The following VKORC1L1 variants were observed in gnomAD, a reference collection of about 807,000 sequenced individuals.
VKORC1L1 encodes vitamin K epoxide reductase complex subunit 1-like protein 1.
Under a neutral mutation model 18.9 loss-of-function variants are expected in VKORC1L1, and 2 were observed. The observed-to-expected ratio is 0.11, with a 90% CI of 0.04 to 0.33. The LOEUF is 0.33. Ranked by LOEUF, VKORC1L1 falls within the 10% of genes least tolerant of loss-of-function variation. VKORC1L1 has a pLI of 1.00. For missense variants in VKORC1L1, 123 were observed against 224.1 expected (o/e 0.55, Z 2.88); for synonymous variants, 96 against 100.0 (o/e 0.96, Z 0.24).
intron 1 of VKORC1L1, among the ~76,000 whole-genome samples, chr7:65,906,052 G>A (rs979987574): frequency 5.9e-5 from 9 of 151,564 alleles, no homozygotes; most frequent in African/African-American, 2.2e-4. Context: ...AGCTTCATTG[G>A]TTCTAGAATG....
chr7:65,871,939 C>T (rs1178506591), upstream of VKORC1L1, among the ~76,000 whole-genome samples: 3 of 152,164 alleles, frequency 2.0e-5, no homozygotes, highest in Admixed American at 2.0e-4. Context: ...CAATAGATAA[C>T]GAATACAAGG....
At chr7:65,909,434 A>T (rs1014560768) in intron 1 of VKORC1L1, among the ~76,000 whole-genome samples, 1 of 152,100 alleles carries the variant, frequency 6.6e-6, no homozygotes, top group African/African-American at 2.4e-5. Flanking sequence ...CAGGATATGG[A>T]CTTCCAATTG....
chr7:65,911,850 T>G (rs904129644), intron 1 of VKORC1L1, among the ~76,000 whole-genome samples: 1 of 152,238 alleles, frequency 6.6e-6, no homozygotes, highest in Admixed American at 6.5e-5. Context: ...CATTTTGCTC[T>G]GACTGGATGA....
Position 65,896,976 on chromosome 7 carries a change from C to G in VKORC1L1, c.194+23411C>G, listed in dbSNP as rs566050215. On this transcript the variant is annotated intron_variant, in intron 1 of 2. Transcript: ENST00000360768. ...ATCGCACCATTGCACTGCACTCCAGCTGGGGCAACAGAGCAAGACTCCTCA... is the reference window on the plus strand; with the variant it reads ...ATCGCACCATTGCACTGCACTCCAGGTGGGGCAACAGAGCAAGACTCCTCA... Among the ~76,000 whole-genome samples, 5 of 152,260 alleles carry G rather than the reference C, an allele frequency of 3.3e-5. No individual in the cohort carries two copies. In the East Asian group the frequency reaches 9.6e-4, roughly 29 times the overall value.
At chr7:65,931,925 G>A (rs1465304248) in intron 1 of VKORC1L1, among the ~76,000 whole-genome samples, 8 of 152,068 alleles carry the variant, frequency 5.3e-5, no homozygotes, top group African/African-American at 1.9e-4. Flanking sequence ...GCAGGCATGA[G>A]CCACCATGCC....
chr7:65,915,012 C>CA (rs1477109763), intron 1 of VKORC1L1, among the ~76,000 whole-genome samples: 2 of 150,422 alleles, frequency 1.3e-5, no homozygotes, highest in African/African-American at 2.4e-5. Flanking sequence ...TCTCAAAAAA[C>CA]AAAAAAACCC....
At chr7:65,914,978 C>T (rs1278723295) in intron 1 of VKORC1L1, among the ~76,000 whole-genome samples, 1 of 152,132 alleles carries the variant, frequency 6.6e-6, no homozygotes, top group Non-Finnish European at 1.5e-5. Context: ...TGCACTCCAG[C>T]CTGGGTAACA....
chr7:65,869,208 A>T (rs898934864), upstream of VKORC1L1, among the ~76,000 whole-genome samples: 10 of 151,846 alleles, frequency 6.6e-5, no homozygotes, highest in Non-Finnish European at 1.0e-4. Flanking sequence ...TCAGCTACTC[A>T]AAGGCTGAGG....
intron 1 of VKORC1L1, among the ~76,000 whole-genome samples, chr7:65,939,752 C>G (rs565484259): frequency 3.9e-5 from 6 of 152,134 alleles, no homozygotes; most frequent in South Asian, 2.1e-4. Context: ...AACAGATTTG[C>G]GAACTCAACC....
At chr7:65,909,690 T>TTG (rs56074368) in intron 1 of VKORC1L1, among the ~76,000 whole-genome samples, 19,045 of 123,534 alleles carry the variant, frequency 0.15, 1,713 homozygotes, top group African/African-American at 0.23. Flanking sequence ...GTTTTAGCCT[T>TTG]TGTGTGTGTG....
At chr7:65,948,896 A>G in intron 2 of VKORC1L1, 116 bp downstream of exon 2, 2 of 1,313,018 alleles carry the variant, frequency 1.5e-6, no homozygotes, top group South Asian at 2.9e-5. Flanking sequence ...ACTAGCGTGT[A>G]CAACATTTTT....
Position 65,873,289 on chromosome 7 carries a change from G to A in VKORC1L1, c.-83G>A. 9.6e-7 allele frequency: 1 copy of A among 1,044,198 alleles called. No homozygotes were observed. Among genetic ancestry groups the A allele is most frequent in the Non-Finnish European group, 1.2e-6 (1 of 868,966 alleles). The allele number at this position is 1,044,198 out of a possible 1,614,324, so 64.7% of individuals were successfully genotyped here. ...GGCGGCGGCGGAGGCGGCGGTGGCG[G>A]CGGTGGCGGCTGGGTCGGGCCCCGA... On this transcript the variant is annotated 5_prime_UTR_variant, in exon 1 of 3. Coordinates refer to ENST00000360768, the MANE Select transcript of VKORC1L1 (RefSeq NM_173517.6).
At chr7:65,935,853 C>T (rs1789933930) in intron 1 of VKORC1L1, among the ~76,000 whole-genome samples, 2 of 152,044 alleles carry the variant, frequency 1.3e-5, no homozygotes, top group South Asian at 4.1e-4. Flanking sequence ...TTTTTTCATA[C>T]CTTTTTGTGC....
At position 65,873,148 on chromosome 7, in the gene VKORC1L1, C is replaced by T; in HGVS notation, c.-224C>T. 1 of 428,786 alleles carries T rather than the reference C, an allele frequency of 2.3e-6. No homozygotes were observed. 26.6% of individuals were successfully genotyped at this position (428,786 alleles called of 1,614,324 possible). On this transcript the variant is annotated 5_prime_UTR_variant, in exon 1 of 3. Transcript: ENST00000360768. ...CTCCCTCCGCGCCCGCGCGCGCCTT[C>T]CCCGCCCCGTCCGCCTCACTCCTTT...
chr7:65,868,079 T>G (rs1788683810), upstream of VKORC1L1, among the ~76,000 whole-genome samples: 2 of 152,090 alleles, frequency 1.3e-5, no homozygotes, highest in Non-Finnish European at 2.9e-5. Flanking sequence ...ACTCCTGACC[T>G]CAGGTGATTC....
chr7:65,947,553 A>G (rs1337511862), intron 1 of VKORC1L1, among the ~76,000 whole-genome samples: 1 of 152,180 alleles, frequency 6.6e-6, no homozygotes, highest in Non-Finnish European at 1.5e-5. Context: ...TTTAAAAAAA[A>G]TCAGGTTTTA....
At chr7:65,916,759 T>G (rs1241482814) in intron 1 of VKORC1L1, among the ~76,000 whole-genome samples, 1 of 152,076 alleles carries the variant, frequency 6.6e-6, no homozygotes, top group African/African-American at 2.4e-5. Flanking sequence ...CCACCATGCC[T>G]GGCTAATTTT....
At chr7:65,900,059 G>A (rs1789286415) in intron 1 of VKORC1L1, among the ~76,000 whole-genome samples, 1 of 65,502 alleles carries the variant, frequency 1.5e-5, no homozygotes, top group African/African-American at 4.0e-5. Context: ...GTGTGTGTGT[G>A]TGTGTGTGTG....
intron 1 of VKORC1L1, among the ~76,000 whole-genome samples, chr7:65,929,930 C>T (rs1789832052): frequency 6.6e-6 from 1 of 151,688 alleles, no homozygotes; most frequent in Admixed American, 6.6e-5. Flanking sequence ...AACATAATAT[C>T]TCTATGTATA....
Sources: allele counts gnomAD v4.1 joint callset (sites outside exome capture counted in the v4.1 genomes callset), GRCh38; gene constraint gnomAD v4.1.1; transcripts MANE v1.5; gene names NCBI Gene and HGNC (gene_info 2026-07-23, HGNC 2026-07-21).